MKLN1: variants seen among roughly 807,000 people sequenced by gnomAD.
The protein encoded by MKLN1 is muskelin.
MKLN1 carries 18 observed loss-of-function variants against 99.0 expected under a neutral mutation model. The ratio of observed to expected loss-of-function variants is 0.18; its 90% CI spans 0.13 to 0.27. The LOEUF (loss-of-function observed/expected upper bound fraction) is 0.27, where lower values mean the gene tolerates loss of function less well. Ranked by LOEUF, MKLN1 falls within the 10% of genes least tolerant of loss-of-function variation. MKLN1 has a pLI of 1.00. For synonymous variants in MKLN1, 288 were observed against 293.2 expected (o/e 0.98, Z 0.18); for missense variants, 621 against 875.9 (o/e 0.71, Z 3.67).
At chr7:131,231,074 C>T (rs1055605147) in intron 3 of MKLN1, among the ~76,000 whole-genome samples, 25 of 129,572 alleles carry the variant, frequency 1.9e-4, no homozygotes, top group African/African-American at 6.1e-4. Context: ...GAGCGGAGAT[C>T]GTACCACTGC....
intron 2 of MKLN1, among the ~76,000 whole-genome samples, chr7:131,156,619 C>A (rs1225645732): frequency 6.6e-6 from 1 of 152,108 alleles, no homozygotes; most frequent in Non-Finnish European, 1.5e-5. Context: ...TGTTGAATTT[C>A]TCATGTAATT....
At chr7:131,142,224 G>A (rs1795744787) in intron 1 of MKLN1, among the ~76,000 whole-genome samples, 1 of 152,114 alleles carries the variant, frequency 6.6e-6, no homozygotes, top group African/African-American at 2.4e-5. Flanking sequence ...TGGCCAAAAT[G>A]GCAAAACCCT....
intron 1 of MKLN1, among the ~76,000 whole-genome samples, chr7:131,347,924 G>A (rs1251060437): frequency 1.3e-5 from 2 of 152,104 alleles, no homozygotes; most frequent in Non-Finnish European, 2.9e-5. Context: ...AACAAATGTT[G>A]GCTGGCATGT....
At chr7:131,244,331 C>T (rs1333897409) in intron 3 of MKLN1, among the ~76,000 whole-genome samples, 7 of 152,180 alleles carry the variant, frequency 4.6e-5, no homozygotes, top group Non-Finnish European at 8.8e-5. Context: ...CTCCCTCCAA[C>T]GCCAGAGCTG....
At chr7:131,416,596 A>AT (rs1307329719) in intron 8 of MKLN1, among the ~76,000 whole-genome samples, 2 of 149,726 alleles carry the variant, frequency 1.3e-5, no homozygotes, top group Non-Finnish European at 3.0e-5. Flanking sequence ...AGGCCTAGAT[A>AT]TTTTTCTATA....
chr7:131,200,967 G>A (rs1019642926), intron 2 of MKLN1, among the ~76,000 whole-genome samples: 1 of 152,188 alleles, frequency 6.6e-6, no homozygotes, highest in African/African-American at 2.4e-5. Context: ...ATGTAAAGGA[G>A]TTAAAGCCCT....
chr7:131,341,583 G>T (rs536818742), intron 1 of MKLN1, among the ~76,000 whole-genome samples: 1 of 152,296 alleles, frequency 6.6e-6, no homozygotes, highest in East Asian at 1.9e-4. Context: ...CCGTTTATTA[G>T]TACAGTGGTC....
Position 131,372,981 on chromosome 7 carries a change from C to T in MKLN1, c.99-2443C>T, listed in dbSNP as rs527891935. The stretch of plus-strand genomic sequence containing the variant: ...TGTTTCAATTTCTTAAATTTGTATA[C>T]TTCCAAGATAATGGTTTATACATAG... On this transcript the variant is annotated intron_variant, in intron 1 of 17. Transcript: ENST00000352689. Among the ~76,000 whole-genome samples the T allele has an allele frequency of 2.6e-5, 4 of 151,524 alleles. No homozygotes were observed. In the East Asian group the frequency reaches 5.8e-4, roughly 22 times the overall value.
chr7:131,495,671 C>T lies in MKLN1; in HGVS notation c.*7943C>T, dbSNP rs2116742734. 6.6e-6 allele frequency: 1 copy of T among 152,230 alleles called. No individual in the cohort carries two copies. The highest frequency in any genetic ancestry group is 1.9e-4 in the East Asian group (1 of 5,182). The allele number at this position is 152,230 out of a possible 1,614,324, so 9.4% of individuals were successfully genotyped here. A position where few individuals can be genotyped will look rare whatever the true frequency, so the allele number is the denominator to read the frequency against. On this transcript the variant is annotated 3_prime_UTR_variant, in exon 18 of 18. Transcript: ENST00000352689. ...AGGACCAGGCTGGAAGCATATGTCC[C>T]CCCACCCTTATTTATATTCCTTTGA...
At chr7:131,275,557 ATATATATATATTTTTTT>A (rs1224692507) in intron 3 of MKLN1, among the ~76,000 whole-genome samples, 2 of 15,664 alleles carry the variant, frequency 1.3e-4, no homozygotes, top group African/African-American at 3.2e-4. Context: ...ATATATATAT[ATATATATATATTTTTTT>A]TTTTTTTTTT....
chr7:131,234,827 C>G (rs1010186727), intron 3 of MKLN1, among the ~76,000 whole-genome samples: 1 of 152,154 alleles, frequency 6.6e-6, no homozygotes, highest in African/African-American at 2.4e-5. Flanking sequence ...GGCTGCACTG[C>G]CCTTGAACCA....
intron 1 of MKLN1, among the ~76,000 whole-genome samples, chr7:131,133,119 T>A (rs1795584124): frequency 6.6e-6 from 1 of 151,606 alleles, no homozygotes; most frequent in Non-Finnish European, 1.5e-5. Flanking sequence ...CAACCAGCTG[T>A]CTTGTGGGGT....
At chr7:131,123,325 T>C (rs1376188794) in intron 1 of MKLN1, among the ~76,000 whole-genome samples, 3 of 152,246 alleles carry the variant, frequency 2.0e-5, no homozygotes, top group Non-Finnish European at 4.4e-5. Context: ...CTGTCTCAGC[T>C]ACTCAATTCT....
chr7:131,150,900 G>T (rs1200827280), intron 2 of MKLN1, among the ~76,000 whole-genome samples: 1 of 151,968 alleles, frequency 6.6e-6, no homozygotes, highest in African/African-American at 2.4e-5. Flanking sequence ...CAAAATAAAT[G>T]AAGAAGGGAC....
rs1287694262 is a variant in MKLN1, at chr7:131,492,469, C to CG, written c.*4742dup. The stretch of plus-strand genomic sequence containing the variant: ...AATTTAGGCTGGGCATAGTGACTCA[C>CG]GCCTGTAATCCCAGACCTTTGGGAG... On this transcript the variant is annotated 3_prime_UTR_variant, in exon 18 of 18. Transcript: ENST00000352689. The CG allele has an allele frequency of 3.9e-5, 6 of 152,032 alleles. No homozygotes were observed. The highest frequency in any genetic ancestry group is 7.2e-5 in the African/African-American group (3 of 41,404). The allele number at this position is 152,032 out of a possible 1,614,324, so 9.4% of individuals were successfully genotyped here. A position where few individuals can be genotyped will look rare whatever the true frequency, so the allele number is the denominator to read the frequency against.
In MKLN1 at chr7:131,470,931, A is replaced by G. The variant is rs761607150; in HGVS notation, c.2018A>G (p.Glu673Gly). 31 of 1,594,806 alleles carry G rather than the reference A, an allele frequency of 1.9e-5. No homozygotes were observed. The East Asian group carries it at 4.9e-4, about 25-fold the overall frequency. The change falls in exon 16 of 18, where the codon GAA (glutamate) becomes GGA (glycine). Residue 673 changes from glutamate to glycine, a missense_variant. Physicochemically the swap from Glu to Gly is moderately conservative, Grantham distance 98 (BLOSUM62 -2). Around this residue, in one of 8 missense-constraint regions of MKLN1, gnomAD observed 126 missense variants for 157.4 expected, o/e 0.80. Transcript: ENST00000352689. ...ATAACTGTGGATCATTCAGACCCAG[A>G]AGAGACAAAAGAGGTAAAGAAAGGT... Reference protein sequence around the residue: ...LYITVDHSDPEETKEFQLLAS... With the variant: ...LYITVDHSDPGETKEFQLLAS...
chr7:131,372,290 C>T (rs189931078), intron 1 of MKLN1, among the ~76,000 whole-genome samples: 1 of 152,010 alleles, frequency 6.6e-6, no homozygotes, highest in Admixed American at 6.6e-5. Flanking sequence ...AAACTCAGTT[C>T]ATATCTTCAA....
intron 1 of MKLN1, among the ~76,000 whole-genome samples, chr7:131,140,614 C>G (rs900276219): frequency 6.6e-6 from 1 of 152,102 alleles, no homozygotes; most frequent in African/African-American, 2.4e-5. Flanking sequence ...CACCTTCTGC[C>G]GTGAGTAAAA....
At chr7:131,399,218 A>G (rs758586454) in intron 5 of MKLN1, 23 bp from the exon 6 acceptor site, 15 of 1,603,468 alleles carry the variant, frequency 9.4e-6, no homozygotes, top group South Asian at 2.2e-5. Context: ...TCTTCTTTCC[A>G]TACTTACTCT....
Sources: allele counts gnomAD v4.1 joint callset (sites outside exome capture counted in the v4.1 genomes callset), GRCh38; gene constraint gnomAD v4.1.1; regional missense constraint gnomAD v4.1.1; transcripts MANE v1.5; gene names NCBI Gene and HGNC (gene_info 2026-07-23, HGNC 2026-07-21).